The following BBS2 variants were observed in gnomAD, a reference collection of about 807,000 sequenced individuals.
The protein encoded by BBS2 is Bardet-Biedl syndrome 2.
In BBS2, 62 loss-of-function variants were observed where a neutral mutation model predicts 83.0. That is an observed-to-expected ratio of 0.75 (90% CI 0.61 to 0.92). BBS2 has a LOEUF of 0.92. Ranked by LOEUF, BBS2 falls within the 40% of genes least tolerant of loss-of-function variation. The pLI, the probability that BBS2 is intolerant of heterozygous loss-of-function variation, is 0.00. For missense variants in BBS2, 784 were observed against 901.0 expected (o/e 0.87, Z 1.66); for synonymous variants, 303 against 326.1 (o/e 0.93, Z 0.76).
chr16:56,474,842 A>G (rs1221879012), intron 17 of BBS2: 9 of 1,609,902 alleles, frequency 5.6e-6, no homozygotes, highest in Non-Finnish European at 7.6e-6. Flanking sequence ...AAGTGTTCCC[A>G]TGTGCCAAGG....
At chr16:56,490,487 G>A (rs886463131) in intron 15 of BBS2, among the ~76,000 whole-genome samples, 16 of 151,724 alleles carry the variant, frequency 1.1e-4, no homozygotes, top group Non-Finnish European at 1.3e-4. Flanking sequence ...GTGAAACCTC[G>A]TCTCTACTAA....
downstream of BBS2, among the ~76,000 whole-genome samples, chr16:56,480,373 AAAAAC>A (rs1963640307): frequency 2.7e-5 from 4 of 146,116 alleles, no homozygotes; most frequent in South Asian, 6.5e-4. Flanking sequence ...AAACAAAAAA[AAAAAC>A]AAAGCTTGGG....
chr16:56,502,230 C>T, intron 9 of BBS2, 87 bp downstream of exon 9: 1 of 1,571,018 alleles, frequency 6.4e-7, no homozygotes, highest in Admixed American at 1.7e-5. Context: ...GGCAATGACA[C>T]TCTCATTCTT....
chr16:56,514,518 C>A lies in BBS2; in HGVS notation c.280G>T (p.Val94Leu). ...GCCAAAAGATTAGTCTGTGTCCCCA[C>A]TAAAAGGGCATCATAGCCAAGCTCA... ...NPELGYDALL[V>L]GTQTNLLAYD... is the part of the protein sequence containing the mutation. The change falls in exon 2 of 17, where the codon GTG becomes TTG. Residue 94 changes from valine to leucine, a missense_variant. By Grantham distance (32) the Val-to-Leu change is conservative. Transcript: ENST00000245157. 4 of 1,614,148 alleles carry A rather than the reference C, an allele frequency of 2.5e-6. No homozygotes were observed. The highest frequency in any genetic ancestry group is 3.4e-6 in the Non-Finnish European group (4 of 1,180,024).
intron 17 of BBS2, among the ~76,000 whole-genome samples, chr16:56,473,862 A>G (rs1158826176): frequency 6.6e-6 from 1 of 151,864 alleles, no homozygotes; most frequent in Non-Finnish European, 1.5e-5. Flanking sequence ...GCTGGAGTAC[A>G]GTGGTGTGAT....
At chr16:56,505,652 G>A (rs1964400794) in intron 7 of BBS2, among the ~76,000 whole-genome samples, 1 of 152,110 alleles carries the variant, frequency 6.6e-6, no homozygotes, top group African/African-American at 2.4e-5. Context: ...TTTTACTGTT[G>A]TACTACCTAG....
intron 2 of BBS2, among the ~76,000 whole-genome samples, chr16:56,512,878 T>C (rs1479327531): frequency 6.6e-6 from 1 of 152,210 alleles, no homozygotes; most frequent in Non-Finnish European, 1.5e-5. Context: ...ACCAGCCAAA[T>C]GCAGTGGCTC....
intron 15 of BBS2, among the ~76,000 whole-genome samples, chr16:56,489,774 T>G (rs1299945566): frequency 6.6e-6 from 1 of 151,088 alleles, no homozygotes; most frequent in African/African-American, 2.4e-5. Context: ...CACTCCAGCT[T>G]GGGCAACAAG....
intron 8 of BBS2, 105 bp from the exon 9 acceptor site, chr16:56,502,561 T>G (rs1964305538): frequency 6.2e-7 from 1 of 1,609,696 alleles, no homozygotes; most frequent in Non-Finnish European, 8.5e-7. Context: ...TTTGGTGAAT[T>G]TATTAGAACT....
intron 15 of BBS2, among the ~76,000 whole-genome samples, chr16:56,495,145 T>C (rs1964082152): frequency 6.6e-6 from 1 of 152,174 alleles, no homozygotes. Flanking sequence ...GTACAAACTG[T>C]ACCTCAGGGA....
chr16:56,508,748 G>C (rs1194656562), intron 5 of BBS2, among the ~76,000 whole-genome samples: 2 of 151,746 alleles, frequency 1.3e-5, no homozygotes, highest in Non-Finnish European at 2.9e-5. Context: ...TGGGCTCAAG[G>C]GATCCTCCTG....
intron 4 of BBS2, 79 bp from the exon 5 acceptor site, chr16:56,510,113 C>A: frequency 5.6e-6 from 7 of 1,253,852 alleles, no homozygotes; most frequent in African/African-American, 1.5e-5. Flanking sequence ...AAAAATTGCA[C>A]AGTACTTTGC....
In BBS2 at chr16:56,502,003, T is replaced by C. The variant is rs188847534; in HGVS notation, c.1080+314A>G. On this transcript the variant is annotated intron_variant, in intron 9 of 16. Transcript: ENST00000245157. ...CCATATCAGTCCAAGTATTCATTCT[T>C]TGAGCTGCTTAATATTCCTTAGCAC... 21 of 424,372 alleles carry C rather than the reference T, an allele frequency of 4.9e-5. No homozygotes were observed. The East Asian group carries it at 7.5e-4, about 15-fold the overall frequency. The allele number at this position is 424,372 out of a possible 1,614,324, so 26.3% of individuals were successfully genotyped here.
intron 15 of BBS2, among the ~76,000 whole-genome samples, chr16:56,492,824 T>C (rs954449791): frequency 6.6e-6 from 1 of 152,202 alleles, no homozygotes; most frequent in Non-Finnish European, 1.5e-5. Flanking sequence ...TGACAAGACC[T>C]TGCAAAATTC....
Position 56,511,285 on chromosome 16 carries a change from C to G in BBS2, c.346-1G>C, listed in dbSNP as rs753845990. On this transcript the variant is annotated splice_acceptor_variant, in intron 2 of 16. Coordinates refer to ENST00000245157, the MANE Select transcript of BBS2 (RefSeq NM_031885.5). LOFTEE classifies it high-confidence loss of function. Reference sequence around the variant, plus strand: ...CAATTGCATTTGCCCCATCTGCTACCTAAGAAAAGTAAAAGGACACATTAT... The same window carrying G: ...CAATTGCATTTGCCCCATCTGCTACGTAAGAAAAGTAAAAGGACACATTAT... 1.2e-6 allele frequency: 2 copies of G among 1,613,712 alleles called. No homozygotes were observed. Among genetic ancestry groups the G allele is most frequent in the African/African-American group, 1.3e-5 (1 of 74,884 alleles).
rs771297840 is a variant in BBS2 at position 56,500,847 on chromosome 16, G to T, written c.1397+7C>A. The T allele has an allele frequency of 6.2e-7, 1 of 1,613,738 alleles. No individual in the cohort carries two copies. The highest frequency in any genetic ancestry group is 2.2e-5 in the East Asian group (1 of 44,882). On this transcript the variant is annotated splice_region_variant and intron_variant, in intron 11 of 16. Coordinates refer to ENST00000245157, the MANE Select transcript of BBS2 (RefSeq NM_031885.5). The stretch of plus-strand genomic sequence containing the variant: ...CCTGAAATGAACTGTGACTTGCAAA[G>T]GGTCACCTGCTTCTGTAACCCACGA...
rs1964876516 is a variant in BBS2, at chr16:56,519,972, C to T, written c.-110G>A. 1 of 946,348 alleles carries T rather than the reference C, an allele frequency of 1.1e-6. No homozygotes were observed. Among genetic ancestry groups the T allele is most frequent in the Non-Finnish European group, 1.7e-6 (1 of 598,424 alleles). 58.6% of individuals were successfully genotyped at this position (946,348 alleles called of 1,614,324 possible). On this transcript the variant is annotated 5_prime_UTR_variant, in exon 1 of 17. Transcript: ENST00000245157. ...GGGACACTACCTGCGCGGCCCCAGC[C>T]GCCTCAGGCCGGACGCGAAACAGCC...
intron 2 of BBS2, 79 bp from the exon 3 acceptor site, chr16:56,511,363 A>T: frequency 1.3e-6 from 2 of 1,585,950 alleles, no homozygotes; most frequent in Non-Finnish European, 1.7e-6. Flanking sequence ...AATTTTGAGT[A>T]AACTGAGCAG....
rs1211302922 is a variant in BBS2 at position 56,511,392 on chromosome 16, T to G, written c.346-108A>C. 9 of 1,469,190 alleles carry G rather than the reference T, an allele frequency of 6.1e-6. No homozygotes were observed. The South Asian group carries it at 1.0e-4, about 17-fold the overall frequency. The allele number at this position is 1,469,190 out of a possible 1,614,324, so 91.0% of individuals were successfully genotyped here. Reference sequence around the variant, plus strand: ...TGAGCAGATTTTGAGTAAAACAGATTATTATCCATAATGTGGGTGGGCCTC... The same window carrying G: ...TGAGCAGATTTTGAGTAAAACAGATGATTATCCATAATGTGGGTGGGCCTC... On this transcript the variant is annotated intron_variant, in intron 2 of 16. Transcript: ENST00000245157.
Sources: allele counts gnomAD v4.1 joint callset (sites outside exome capture counted in the v4.1 genomes callset), GRCh38; gene constraint gnomAD v4.1.1; transcripts MANE v1.5; gene names NCBI Gene and HGNC (gene_info 2026-07-23, HGNC 2026-07-21).